ZNF385D: variants seen among roughly 807,000 people sequenced by gnomAD.
ZNF385D encodes the protein zinc finger protein 659.
A neutral mutation model predicts 35.8 loss-of-function variants in ZNF385D; 15 were observed. The ratio of observed to expected loss-of-function variants is 0.42; its 90% CI spans 0.28 to 0.64. The LOEUF (loss-of-function observed/expected upper bound fraction) is 0.64, where lower values mean the gene tolerates loss of function less well. Ranked by LOEUF, ZNF385D falls within the 30% of genes least tolerant of loss-of-function variation. The pLI, the probability that ZNF385D is intolerant of heterozygous loss-of-function variation, is 0.23. For missense variants in ZNF385D, 474 were observed against 494.6 expected, an observed-to-expected ratio of 0.96 and a Z score of 0.39; for synonymous variants, 212 against 186.8, an observed-to-expected ratio of 1.13 and a Z score of -1.10.
intron 3 of ZNF385D, among the ~76,000 whole-genome samples, chr3:22,107,542 GAACCT>G (rs780153256): frequency 6.6e-6 from 1 of 151,910 alleles, no homozygotes; most frequent in Non-Finnish European, 1.5e-5. Context: ...ATGCAAGTAG[GAACCT>G]AACCTGAGAT....
intron 3 of ZNF385D, among the ~76,000 whole-genome samples, chr3:22,095,112 AT>A (rs1228982156): frequency 3.4e-5 from 1 of 29,478 alleles, no homozygotes; most frequent in African/African-American, 4.2e-4. Context: ...TTTTGTAGAG[AT>A]GGGGGGTCTC....
At chr3:21,791,569 A>G (rs1466203089) in intron 3 of ZNF385D, among the ~76,000 whole-genome samples, 1 of 152,214 alleles carries the variant, frequency 6.6e-6, no homozygotes, top group African/African-American at 2.4e-5. Context: ...GCCAGTGCTT[A>G]GAGACTTGAG....
intron 3 of ZNF385D, among the ~76,000 whole-genome samples, chr3:21,940,232 T>C (rs541390141): frequency 3.3e-4 from 50 of 152,248 alleles, no homozygotes; most frequent in Admixed American, 4.6e-4. Context: ...GTGTAACGTA[T>C]CATCAGGTAA....
At chr3:22,110,563 TCA>T (rs1398035818) in intron 3 of ZNF385D, among the ~76,000 whole-genome samples, 1 of 151,630 alleles carries the variant, frequency 6.6e-6, no homozygotes, top group Non-Finnish European at 1.5e-5. Flanking sequence ...CCGCATGTTC[TCA>T]CTCATAGATG....
intron 3 of ZNF385D, among the ~76,000 whole-genome samples, chr3:21,840,509 C>T (rs1477609766): frequency 1.3e-5 from 2 of 151,980 alleles, no homozygotes; most frequent in Non-Finnish European, 1.5e-5. Context: ...ACAAGAATAA[C>T]GGTATGCCCA....
At chr3:21,463,765 A>G (rs779075828) in intron 4 of ZNF385D, among the ~76,000 whole-genome samples, 3 of 152,198 alleles carry the variant, frequency 2.0e-5, no homozygotes, top group Non-Finnish European at 4.4e-5. Flanking sequence ...TCAGTTTTCA[A>G]TGACAGAGTT....
At chr3:22,244,086 A>G (rs2125318037) in intron 2 of ZNF385D, among the ~76,000 whole-genome samples, 1 of 150,834 alleles carries the variant, frequency 6.6e-6, no homozygotes, top group African/African-American at 2.5e-5. Context: ...GACTTTTTAT[A>G]TTTCCCCTTG....
At chr3:21,660,539 A>G (rs528755229) in intron 2 of ZNF385D, among the ~76,000 whole-genome samples, 36 of 152,292 alleles carry the variant, frequency 2.4e-4, no homozygotes, top group Admixed American at 1.2e-3. Context: ...GTGACATTCT[A>G]AAAGTTTATT....
intron 3 of ZNF385D, among the ~76,000 whole-genome samples, chr3:21,995,925 G>A (rs1476278191): frequency 6.6e-6 from 1 of 152,132 alleles, no homozygotes; most frequent in Non-Finnish European, 1.5e-5. Flanking sequence ...TATACCTTGG[G>A]GTGTAGGATA....
At chr3:21,656,353 C>G (rs1385491279) in intron 2 of ZNF385D, among the ~76,000 whole-genome samples, 1 of 151,936 alleles carries the variant, frequency 6.6e-6, no homozygotes, top group African/African-American at 2.4e-5. Context: ...AATCCAAGAT[C>G]AAGGTGTCAG....
chr3:22,184,905 A>C (rs1046223839), intron 2 of ZNF385D, among the ~76,000 whole-genome samples: 5 of 152,156 alleles, frequency 3.3e-5, no homozygotes, highest in East Asian at 1.9e-4. Context: ...CTGTTTTTAA[A>C]ATTTGTAGTG....
intron 3 of ZNF385D, among the ~76,000 whole-genome samples, chr3:21,923,186 C>T (rs1357167069): frequency 6.6e-6 from 1 of 151,812 alleles, no homozygotes; most frequent in East Asian, 1.9e-4. Flanking sequence ...CTCCCCCATC[C>T]CCCCACCCCA....
At position 21,987,873 on chromosome 3, in the gene ZNF385D, T is replaced by C. The variant is rs1218166341; in HGVS notation, c.325+180944A>G. Among the ~76,000 whole-genome samples, 3 of 139,722 alleles carry C rather than the reference T, an allele frequency of 2.1e-5. 1 individual carries two copies. The highest frequency in any genetic ancestry group is 2.1e-4 in the East Asian group (1 of 4,814). The allele number at this position is 139,722 out of a possible 152,430, so 91.7% of individuals were successfully genotyped here. ...CTTGGAGGCTTTGCTCATTTCTTTTTATTCTTTTTTCTCTAAACTTCCCTT... is the reference window on the plus strand; with the variant it reads ...CTTGGAGGCTTTGCTCATTTCTTTTCATTCTTTTTTCTCTAAACTTCCCTT... On this transcript the variant is annotated intron_variant, in intron 3 of 5. Transcript: ENST00000494108.
intron 3 of ZNF385D, among the ~76,000 whole-genome samples, chr3:22,126,310 G>GTTTTTTTTTTTTTTT (rs57457479): frequency 1.0e-5 from 1 of 100,146 alleles, no homozygotes; most frequent in Non-Finnish European, 1.9e-5. Flanking sequence ...TTTGAAAGTT[G>GTTTTTTTTTTTTTTT]TTTTTTTTTT....
At chr3:22,120,499 T>C (rs1703036354) in intron 3 of ZNF385D, among the ~76,000 whole-genome samples, 1 of 152,122 alleles carries the variant, frequency 6.6e-6, no homozygotes, top group African/African-American at 2.4e-5. Flanking sequence ...GATTAGGGCT[T>C]CAACATATCT....
At chr3:21,445,720 C>G (rs763751162) in intron 4 of ZNF385D, among the ~76,000 whole-genome samples, 7 of 152,096 alleles carry the variant, frequency 4.6e-5, no homozygotes, top group Non-Finnish European at 2.9e-5. Flanking sequence ...TTGATAAACA[C>G]GGATGCTGCT....
intron 3 of ZNF385D, among the ~76,000 whole-genome samples, chr3:21,974,162 G>A (rs964348732): frequency 6.6e-6 from 1 of 152,000 alleles, no homozygotes; most frequent in South Asian, 2.1e-4. Flanking sequence ...CACATTACCT[G>A]ACTCCAAATT....
chr3:22,077,762 TAAC>T lies in ZNF385D; in HGVS notation c.325+91052_325+91054del, dbSNP rs142484481. ...TAATTTCTACCTTAGAAGCTGTTTC[TAAC>T]AACAACAAAAGAAATGGGAGAAACA... On this transcript the variant is annotated intron_variant, in intron 3 of 5. Transcript: ENST00000494108. 3.9e-5 allele frequency among the ~76,000 whole-genome samples: 6 copies of T among 152,132 alleles called. No individual in the cohort carries two copies. The East Asian group carries it at 9.6e-4, about 24-fold the overall frequency.
At chr3:21,759,417 G>C (rs2070500604) in intron 3 of ZNF385D, among the ~76,000 whole-genome samples, 3 of 151,932 alleles carry the variant, frequency 2.0e-5, no homozygotes, top group Admixed American at 6.5e-5. Context: ...AGAAAACACA[G>C]ATGCCATATT....
Sources: gnomAD v4.1 joint callset for allele counts (sites outside exome capture counted in the v4.1 genomes callset) on GRCh38, gnomAD v4.1.1 for gene constraint, MANE v1.5 for transcripts, NCBI Gene and HGNC (gene_info 2026-07-23, HGNC 2026-07-21) for gene names.